Variants in ABCA13 observed in about 807,000 individuals in gnomAD.
The protein encoded by ABCA13 is ATP-binding cassette sub-family A member 13.
Under a neutral mutation model 478.7 loss-of-function variants are expected in ABCA13, and 476 were observed. That is an observed-to-expected ratio of 0.99 (90% CI 0.92 to 1.07). The LOEUF (loss-of-function observed/expected upper bound fraction) is 1.07, where lower values mean the gene tolerates loss of function less well. ABCA13 is among the 50% of genes least tolerant of loss of function. The probability of loss-of-function intolerance (pLI) is 0.00; values close to 1 mark genes in which losing one functional copy is unlikely to be tolerated. For missense variants in ABCA13, 6,060 were observed against 5,910.6 expected (o/e 1.03, Z -0.83); for synonymous variants, 2,252 against 2,158.9 (o/e 1.04, Z -1.20).
At chr7:48,319,545 T>C (rs2128904431) in intron 27 of ABCA13, among the ~76,000 whole-genome samples, 1 of 152,332 alleles carries the variant, frequency 6.6e-6, no homozygotes, top group Admixed American at 6.5e-5. Flanking sequence ...GAGTGGCCCA[T>C]GCTATAAATT....
At chr7:48,474,570 G>C (rs891912683) in intron 45 of ABCA13, among the ~76,000 whole-genome samples, 6 of 152,262 alleles carry the variant, frequency 3.9e-5, no homozygotes, top group African/African-American at 1.4e-4. Flanking sequence ...CTTTGGTAAG[G>C]AGTTTTTTGG....
chr7:48,541,917 A>G (rs1331211328), intron 55 of ABCA13, among the ~76,000 whole-genome samples: 1 of 148,348 alleles, frequency 6.7e-6, no homozygotes, highest in African/African-American at 2.5e-5. Context: ...TTTTTTTTTT[A>G]CATGACACAA....
At chr7:48,545,263 C>A (rs1784723989) in intron 55 of ABCA13, among the ~76,000 whole-genome samples, 1 of 151,654 alleles carries the variant, frequency 6.6e-6, no homozygotes, top group Admixed American at 6.6e-5. Context: ...GGGGTAGGAT[C>A]TAGAAAAGAC....
chr7:48,364,673 G>A (rs1811398279), intron 31 of ABCA13, among the ~76,000 whole-genome samples: 1 of 152,008 alleles, frequency 6.6e-6, no homozygotes, highest in Admixed American at 6.6e-5. Flanking sequence ...TTGTCTTTCT[G>A]TGTCTGGCTT....
chr7:48,500,930 C>T (rs1830686919), intron 48 of ABCA13, among the ~76,000 whole-genome samples: 1 of 152,178 alleles, frequency 6.6e-6, no homozygotes, highest in Admixed American at 6.5e-5. Flanking sequence ...CATGGTGTGT[C>T]CCTCCCATCA....
chr7:48,361,982 G>A (rs944933158), intron 31 of ABCA13, among the ~76,000 whole-genome samples: 29 of 151,954 alleles, frequency 1.9e-4, no homozygotes, highest in Non-Finnish European at 1.3e-4. Context: ...GCCAAGTTCT[G>A]TTGCTAAATC....
chr7:48,210,731 T>C (rs888213960), intron 3 of ABCA13, among the ~76,000 whole-genome samples: 1 of 152,118 alleles, frequency 6.6e-6, no homozygotes, highest in African/African-American at 2.4e-5. Context: ...TTATTTTGAA[T>C]TTTTTTAGAC....
At position 48,463,776 on chromosome 7, in the gene ABCA13, CGGAATGGAAT is replaced by C. The variant is rs199992643; in HGVS notation, c.12816-3155_12816-3146del. Among the ~76,000 whole-genome samples, 624 of 106,458 alleles carry C rather than the reference CGGAATGGAAT, an allele frequency of 5.9e-3. 5 individuals carry two copies. The highest frequency in any genetic ancestry group is 0.015 in the African/African-American group (343 of 22,218). The allele number at this position is 106,458 out of a possible 152,430, so 69.8% of individuals were successfully genotyped here. A position where few individuals can be genotyped will look rare whatever the true frequency, so the allele number is the denominator to read the frequency against. On this transcript the variant is annotated intron_variant, in intron 43 of 61. Transcript: ENST00000435803. ...AGGAAAGGAAAGGAAGGGAAAAGAA[CGGAATGGAAT>C]GGAATGGAATGGAATGGAATGGAAA...
chr7:48,414,582 CATATA>C (rs1819711520), intron 41 of ABCA13, among the ~76,000 whole-genome samples: 1 of 149,386 alleles, frequency 6.7e-6, no homozygotes, highest in African/African-American at 2.5e-5. Flanking sequence ...ACATATGTAA[CATATA>C]ATATACATAC....
intron 31 of ABCA13, among the ~76,000 whole-genome samples, chr7:48,361,064 C>G (rs931121689): frequency 6.6e-6 from 1 of 151,290 alleles, no homozygotes; most frequent in Non-Finnish European, 1.5e-5. Context: ...CCACTGTACT[C>G]CAGCCTGGGC....
chr7:48,453,187 G>T (rs1825251413), intron 42 of ABCA13, among the ~76,000 whole-genome samples: 1 of 151,844 alleles, frequency 6.6e-6, no homozygotes, highest in Non-Finnish European at 1.5e-5. Context: ...TCAATCTTCT[G>T]GGAAGTTATA....
intron 55 of ABCA13, among the ~76,000 whole-genome samples, chr7:48,568,587 C>T (rs1312972282): frequency 6.6e-6 from 1 of 151,846 alleles, no homozygotes; most frequent in Non-Finnish European, 1.5e-5. Context: ...TCTGTCATGT[C>T]TTTAGTTGTG....
rs1337384965 is a variant in ABCA13, at chr7:48,278,829, C to T, written c.7635C>T (p.Ile2545=). The change falls in exon 18 of 62, where the codon ATC becomes ATT. Residue 2545 remains isoleucine, a synonymous_variant. Transcript: ENST00000435803. ...CCACAGTTTTTAAAACTCATTTTATCTCCAATACCAAGGACAGTGTGAAAT... is the reference window on the plus strand; with the variant it reads ...CCACAGTTTTTAAAACTCATTTTATTTCCAATACCAAGGACAGTGTGAAAT... ...KMSTVFKTHF[I]SNTKDSVKFF... 6 of 1,613,616 alleles carry T rather than the reference C, an allele frequency of 3.7e-6. No homozygotes were observed. Among genetic ancestry groups the T allele is most frequent in the Admixed American group, 1.7e-5 (1 of 60,002 alleles).
rs1430955464 is a variant in ABCA13 at position 48,245,862 on chromosome 7, G to A, written c.1492-1G>A. 6.2e-7 allele frequency: 1 copy of A among 1,610,384 alleles called. No homozygotes were observed. Among genetic ancestry groups the A allele is most frequent in the Non-Finnish European group, 8.5e-7 (1 of 1,178,138 alleles). On this transcript the variant is annotated splice_acceptor_variant, in intron 12 of 61. Transcript: ENST00000435803. LOFTEE classifies it high-confidence loss of function. ...CCTTCCCACTCTTATTAATCTTTTA[G>A]ATGTTGGCGAAGAATGCTGTCTGCC...
intron 23 of ABCA13, among the ~76,000 whole-genome samples, chr7:48,302,260 A>G (rs1309154598): frequency 6.6e-6 from 1 of 152,142 alleles, no homozygotes; most frequent in East Asian, 1.9e-4. Context: ...ATATTTTTAA[A>G]CCTTAATTCC....
At chr7:48,546,107 G>GT (rs762862372) in intron 55 of ABCA13, among the ~76,000 whole-genome samples, 16 of 151,844 alleles carry the variant, frequency 1.1e-4, no homozygotes, top group Non-Finnish European at 1.8e-4. Context: ...AAGAAACAAG[G>GT]TGGCAGGTCA....
Position 48,278,985 on chromosome 7 carries a change from G to C in ABCA13, c.7791G>C (p.Leu2597Phe). The C allele has an allele frequency of 6.2e-6, 10 of 1,613,306 alleles. No homozygotes were observed. Among genetic ancestry groups the C allele is most frequent in the Non-Finnish European group, 8.5e-6 (10 of 1,179,800 alleles). The stretch of plus-strand genomic sequence containing the variant: ...ATTTGTTGGTGCCATTTCTTGACTT[G>C]GCCTTTGAAATGATTGGGGTAGAAC... ...INDLLVPFLD[L>F]AFEMIGVEPY... The change falls in exon 18 of 62, where the codon TTG becomes TTC. Residue 2597 changes from leucine (L) to phenylalanine (F), a missense_variant. By Grantham distance (22) the Leu-to-Phe change is conservative. Around this residue, in one of 3 missense-constraint regions of ABCA13, gnomAD observed 4,423 missense variants for 4,309.1 expected, o/e 1.03. Coordinates refer to ENST00000435803, the MANE Select transcript of ABCA13 (RefSeq NM_152701.5).
rs1796316058 is a variant in ABCA13 at position 48,276,428 on chromosome 7, T to C, written c.6762T>C (p.Val2254=). The C allele has an allele frequency of 1.3e-6, 2 of 1,570,636 alleles. No individual in the cohort carries two copies. The highest frequency in any genetic ancestry group is 4.5e-5 in the East Asian group (2 of 44,508). The stretch of plus-strand genomic sequence containing the variant: ...AGTCAGAAACTAGTAGGAAAACAGT[T>C]CTCTCTCTGAGAAGCATAGTAGATT... ...HMQSETSRKT[V]LSLRSIVDFT... Residue 2254 remains valine, a synonymous_variant, in exon 17 of 62, where the codon GTT becomes GTC. Coordinates refer to ENST00000435803, the MANE Select transcript of ABCA13 (RefSeq NM_152701.5).
chr7:48,199,425 T>A (rs1345242089), intron 3 of ABCA13, among the ~76,000 whole-genome samples: 1 of 152,186 alleles, frequency 6.6e-6, no homozygotes, highest in African/African-American at 2.4e-5. Context: ...AGCTGTGTTC[T>A]CACATAATGG....
Sources: gnomAD v4.1 joint callset for allele counts (sites outside exome capture counted in the v4.1 genomes callset) on GRCh38, gnomAD v4.1.1 for gene constraint, gnomAD v4.1.1 regional missense constraint, MANE v1.5 for transcripts, NCBI Gene and HGNC (gene_info 2026-07-23, HGNC 2026-07-21) for gene names.